Variants in NALF1 observed in about 807,000 individuals in gnomAD.
NALF1 encodes family with sequence similarity 155 member A.
In NALF1, 3 loss-of-function variants were observed where a neutral mutation model predicts 48.4. That is an observed-to-expected ratio of 0.06 (90% CI 0.03 to 0.16). NALF1 has a LOEUF of 0.16. NALF1 is among the 10% of genes least tolerant of loss of function. The pLI is 1.00. For synonymous variants in NALF1, 262 were observed against 245.7 expected (o/e 1.07, Z -0.62); for missense variants, 526 against 571.5 (o/e 0.92, Z 0.81).
At chr13:107,808,016 T>C (rs1451000097) in intron 1 of NALF1, among the ~76,000 whole-genome samples, 2 of 151,948 alleles carry the variant, frequency 1.3e-5, no homozygotes, top group Admixed American at 6.6e-5. Context: ...TTCCAGGAGG[T>C]AAAGGGAGGC....
intron 2 of NALF1, among the ~76,000 whole-genome samples, chr13:107,200,400 C>G (rs957116099): frequency 4.6e-5 from 7 of 152,074 alleles, no homozygotes; most frequent in African/African-American, 7.2e-5. Context: ...CAAATCAAGC[C>G]AGGTTAAGGA....
chr13:107,241,051 TAAAA>T (rs34271681), intron 1 of NALF1, among the ~76,000 whole-genome samples: 1 of 66,380 alleles, frequency 1.5e-5, no homozygotes, highest in African/African-American at 6.2e-5. Flanking sequence ...CCATATCTAC[TAAAA>T]AAAAAAAAAA....
At chr13:107,476,143 CT>C (rs1489542839) in intron 1 of NALF1, among the ~76,000 whole-genome samples, 1 of 152,066 alleles carries the variant, frequency 6.6e-6, no homozygotes, top group Non-Finnish European at 1.5e-5. Flanking sequence ...CATGTAATTC[CT>C]TTTGAGGACA....
chr13:107,733,168 A>G (rs1876363127), intron 1 of NALF1, among the ~76,000 whole-genome samples: 1 of 152,190 alleles, frequency 6.6e-6, no homozygotes, highest in South Asian at 2.1e-4. Context: ...TGCCAGTATC[A>G]CTAATCCATT....
chr13:107,170,796 G>C lies in NALF1; in HGVS notation c.1088-10C>G, dbSNP rs746339754. The C allele has an allele frequency of 2.2e-5, 35 of 1,612,524 alleles. No homozygotes were observed. In the East Asian group the frequency reaches 7.1e-4, roughly 33 times the overall value. On this transcript the variant is annotated splice_polypyrimidine_tract_variant and intron_variant, in intron 2 of 2. Transcript: ENST00000375915. ...AAGGTTTCATAAAGCCCTGTAGGAA[G>C]AAGGAAGTAGAGTGTCAGCAGGAAG... is the stretch of plus-strand genomic sequence containing the variant.
chr13:107,588,104 C>T (rs1378945771), intron 1 of NALF1, among the ~76,000 whole-genome samples: 5 of 152,118 alleles, frequency 3.3e-5, no homozygotes, highest in Non-Finnish European at 5.9e-5. Flanking sequence ...ATCAAGTGGG[C>T]ACATTCCTAA....
chr13:107,349,467 G>A (rs991856498), intron 1 of NALF1, among the ~76,000 whole-genome samples: 1 of 152,164 alleles, frequency 6.6e-6, no homozygotes, highest in African/African-American at 2.4e-5. Context: ...TGAGGGCCGG[G>A]TGCAGTGGCT....
At chr13:107,632,384 G>C (rs1449751642) in intron 1 of NALF1, among the ~76,000 whole-genome samples, 1 of 152,116 alleles carries the variant, frequency 6.6e-6, no homozygotes, top group Non-Finnish European at 1.5e-5. Flanking sequence ...TGAAGGTCCT[G>C]TCCTTGGCTG....
chr13:107,440,549 AAAGAG>A (rs1406007515), intron 1 of NALF1, among the ~76,000 whole-genome samples: 1 of 152,124 alleles, frequency 6.6e-6, no homozygotes, highest in African/African-American at 2.4e-5. Flanking sequence ...GTTTTGAGAG[AAAGAG>A]AAGAGGACAC....
At chr13:107,714,799 A>G (rs1050338177) in intron 1 of NALF1, among the ~76,000 whole-genome samples, 1 of 152,136 alleles carries the variant, frequency 6.6e-6, no homozygotes, top group East Asian at 1.9e-4. Context: ...TAGGTGCCGT[A>G]TCCATGACAT....
intron 1 of NALF1, among the ~76,000 whole-genome samples, chr13:107,490,498 G>A (rs1263637422): frequency 6.6e-6 from 1 of 152,088 alleles, no homozygotes; most frequent in African/African-American, 2.4e-5. Flanking sequence ...ACTTATAAAT[G>A]GGAACTCAAT....
Position 107,326,630 on chromosome 13 carries a change from C to T in NALF1, c.916-115875G>A, listed in dbSNP as rs114553368. 2.0e-3 allele frequency among the ~76,000 whole-genome samples: 312 copies of T among 152,232 alleles called. 2 individuals are homozygous for T. The highest frequency in any genetic ancestry group is 7.1e-3 in the African/African-American group (296 of 41,550). ...TGAGAGGATTGAGTAATATAATGGG[C>T]GTTGTATTACTTTTCATATTAAAAT... is the stretch of plus-strand genomic sequence containing the variant. On this transcript the variant is annotated intron_variant, in intron 1 of 2. Coordinates refer to ENST00000375915, the MANE Select transcript of NALF1 (RefSeq NM_001080396.3).
chr13:107,789,427 C>A (rs1566482438), intron 1 of NALF1, among the ~76,000 whole-genome samples: 1 of 152,140 alleles, frequency 6.6e-6, no homozygotes, highest in Admixed American at 6.5e-5. Context: ...AAAAGTTCCA[C>A]CTTACAGGAT....
At chr13:107,743,798 G>A (rs548468687) in intron 1 of NALF1, among the ~76,000 whole-genome samples, 53 of 152,314 alleles carry the variant, frequency 3.5e-4, no homozygotes, top group Non-Finnish European at 7.8e-4. Context: ...TACAGGAACT[G>A]TGAAGCTAGA....
chr13:107,299,749 T>C (rs140617674), intron 1 of NALF1, among the ~76,000 whole-genome samples: 2 of 152,244 alleles, frequency 1.3e-5, no homozygotes, highest in African/African-American at 4.8e-5. Flanking sequence ...GTTGTTGTCT[T>C]GGATTTTTGT....
intron 1 of NALF1, among the ~76,000 whole-genome samples, chr13:107,407,643 C>CT (rs966561684): frequency 3.9e-5 from 6 of 152,012 alleles, no homozygotes; most frequent in Non-Finnish European, 7.4e-5. Flanking sequence ...AAAGGGAACC[C>CT]TCATAAACTG....
intron 1 of NALF1, among the ~76,000 whole-genome samples, chr13:107,563,492 A>G (rs551103): frequency 0.57 from 86,893 of 152,056 alleles, 25,371 homozygotes; most frequent in Non-Finnish European, 0.65. Context: ...GCAAAATCCT[A>G]TTTGAGAAGC....
chr13:107,620,653 T>C (rs1035289773), intron 1 of NALF1, among the ~76,000 whole-genome samples: 20 of 152,268 alleles, frequency 1.3e-4, no homozygotes, highest in African/African-American at 4.6e-4. Flanking sequence ...AGGATAGAAA[T>C]TGTAACCACT....
intron 1 of NALF1, among the ~76,000 whole-genome samples, chr13:107,253,433 G>C (rs771680186): frequency 6.6e-6 from 1 of 152,028 alleles, no homozygotes; most frequent in Non-Finnish European, 1.5e-5. Context: ...CATCTCCTGG[G>C]GAGACCCCTC....
Sources: gnomAD v4.1 joint callset for allele counts (sites outside exome capture counted in the v4.1 genomes callset) on GRCh38, gnomAD v4.1.1 for gene constraint, MANE v1.5 for transcripts, NCBI Gene and HGNC (gene_info 2026-07-23, HGNC 2026-07-21) for gene names.